The following SLC22A14 variants were observed in gnomAD, a reference collection of about 807,000 sequenced individuals.
The protein encoded by SLC22A14 is solute carrier family 22 member 14.
SLC22A14 carries 50 observed loss-of-function variants against 53.9 expected under a neutral mutation model. The observed-to-expected ratio is 0.93, with a 90% CI of 0.74 to 1.17. The LOEUF (loss-of-function observed/expected upper bound fraction) is 1.17. SLC22A14 is among the 50% of genes most tolerant of loss of function. SLC22A14 has a pLI of 0.00. For synonymous variants in SLC22A14, 312 were observed against 303.0 expected (o/e 1.03, Z -0.31); for missense variants, 671 against 734.7 (o/e 0.91, Z 1.00).
At position 38,307,478 on chromosome 3, in the gene SLC22A14, A is replaced by ATGGCTCAGGGCC; in HGVS notation, c.621-83_621-72dup. ...GTAGGGGTTCTCCAGGGACCCATGGATGGCTCAGGGCCTGGCCCAGGTGTA... is the reference window on the plus strand; with the variant it reads ...GTAGGGGTTCTCCAGGGACCCATGGATGGCTCAGGGCCTGGCTCAGGGCCTGGCCCAGGTGTA... On this transcript the variant is annotated intron_variant, in intron 3 of 10. Coordinates refer to ENST00000448498, the MANE Select transcript of SLC22A14 (RefSeq NM_001320033.2). This position sits in a 1 kb window ranked among gnomAD's most constrained non-coding sequence, Gnocchi z 4.4. 1 of 1,580,082 alleles carries ATGGCTCAGGGCC rather than the reference A, an allele frequency of 6.3e-7. No individual in the cohort carries two copies. The highest frequency in any genetic ancestry group is 8.7e-7 in the Non-Finnish European group (1 of 1,152,862).
At chr3:38,314,146 C>G (rs1353433374) in intron 8 of SLC22A14, among the ~76,000 whole-genome samples, 3 of 152,268 alleles carry the variant, frequency 2.0e-5, no homozygotes, top group Admixed American at 2.0e-4. Flanking sequence ...GACAGGGCAC[C>G]CACACTCTCT....
intron 1 of SLC22A14, chr3:38,305,638 T>G: frequency 5.7e-6 from 1 of 174,480 alleles, no homozygotes; most frequent in Admixed American, 5.5e-5. Flanking sequence ...ATGCAGATCT[T>G]TGTTTGTTTT....
At chr3:38,299,228 C>T (rs1257055377) in intron 1 of SLC22A14, among the ~76,000 whole-genome samples, 3 of 152,134 alleles carry the variant, frequency 2.0e-5, no homozygotes, top group Non-Finnish European at 4.4e-5. Flanking sequence ...TGAAACCTTA[C>T]TAAGGTTCTA....
chr3:38,279,172 C>T (rs567855844), upstream of SLC22A14, among the ~76,000 whole-genome samples: 14 of 152,338 alleles, frequency 9.2e-5, no homozygotes, highest in African/African-American at 2.6e-4. Context: ...TCCTCACTCA[C>T]GATTCTCAGC....
chr3:38,310,478 G>T (rs758006155), intron 5 of SLC22A14, among the ~76,000 whole-genome samples: 6 of 152,184 alleles, frequency 3.9e-5, no homozygotes, highest in Non-Finnish European at 7.3e-5. Context: ...GGGGGATGAG[G>T]TCTGTTCTGA....
intron 1 of SLC22A14, among the ~76,000 whole-genome samples, chr3:38,294,010 A>G (rs1367682606): frequency 1.3e-5 from 2 of 152,242 alleles, no homozygotes; most frequent in African/African-American, 2.4e-5. Context: ...GAGAATTTAC[A>G]TAGGTCTATT....
In SLC22A14 at chr3:38,309,017, CT is replaced by C; in HGVS notation, c.840del (p.Val281LeufsTer6). On this transcript the variant is annotated frameshift_variant, in exon 5 of 11. Transcript: ENST00000448498. LOFTEE classifies it high-confidence loss of function. ...ATTATCCTGGGACACTGCTTTTTCG[CT>C]GTTGGGGCCGTGTTGCTGACAGGGA... ...HAIILGHCFF[A>X]VGAVLLTGIA... The C allele has an allele frequency of 6.8e-6, 11 of 1,614,016 alleles. No individual in the cohort carries two copies. The highest frequency in any genetic ancestry group is 9.3e-6 in the Non-Finnish European group (11 of 1,179,876).
intron 5 of SLC22A14, among the ~76,000 whole-genome samples, chr3:38,311,786 T>C (rs748183251): frequency 2.0e-5 from 3 of 152,252 alleles, no homozygotes; most frequent in South Asian, 2.1e-4. Context: ...AGAATGTCTT[T>C]ATTGTCCATA....
upstream of SLC22A14, among the ~76,000 whole-genome samples, chr3:38,280,221 T>C (rs1703638782): frequency 6.6e-6 from 1 of 152,194 alleles, no homozygotes; most frequent in African/African-American, 2.4e-5. Flanking sequence ...TCCCGACACC[T>C]TTTCTAATAA....
intron 1 of SLC22A14, among the ~76,000 whole-genome samples, chr3:38,302,467 G>A (rs151632): frequency 0.069 from 10,472 of 151,572 alleles, 382 homozygotes; most frequent in Non-Finnish European, 0.084. Flanking sequence ...GACCAACCTG[G>A]GCAACACAAC....
At chr3:38,312,881 T>C (rs1704507847) in intron 5 of SLC22A14, 118 bp from the exon 6 acceptor site, 2 of 1,376,466 alleles carry the variant, frequency 1.5e-6, no homozygotes, top group Admixed American at 2.0e-5. Flanking sequence ...TTCAAGGCCC[T>C]GACATCTGAA....
chr3:38,305,823 A>T (rs1704284029), intron 1 of SLC22A14: 1 of 580,944 alleles, frequency 1.7e-6, no homozygotes, highest in Non-Finnish European at 3.0e-6. Flanking sequence ...TCTCAATTAC[A>T]CTAAAACTCC....
At position 38,318,519 on chromosome 3, in the gene SLC22A14, CCTT is replaced by C. The variant is rs1285730222; in HGVS notation, c.*273_*275del. Reference sequence around the variant, plus strand: ...CTTGACATTAAAAAAAATGCCCCCTCCTTCTGCAGGAGCTCTGCTGTGATTCAT... The same window carrying C: ...CTTGACATTAAAAAAAATGCCCCCTCCTGCAGGAGCTCTGCTGTGATTCAT... On this transcript the variant is annotated 3_prime_UTR_variant, in exon 11 of 11. Coordinates refer to ENST00000448498, the MANE Select transcript of SLC22A14 (RefSeq NM_001320033.2). 18 of 422,972 alleles carry C rather than the reference CCTT, an allele frequency of 4.3e-5. No individual in the cohort carries two copies. Among genetic ancestry groups the C allele is most frequent in the African/African-American group, 7.9e-5 (4 of 50,456 alleles). The allele number at this position is 422,972 out of a possible 1,614,324, so 26.2% of individuals were successfully genotyped here.
chr3:38,291,301 G>A (rs531724839), intron 1 of SLC22A14, among the ~76,000 whole-genome samples: 98 of 152,274 alleles, frequency 6.4e-4, no homozygotes, highest in African/African-American at 2.2e-3. Flanking sequence ...CCCCTTGAGC[G>A]GCGTAGGTTT....
intron 4 of SLC22A14, among the ~76,000 whole-genome samples, chr3:38,308,696 G>A (rs1413126248): frequency 1.3e-5 from 2 of 152,268 alleles, no homozygotes; most frequent in African/African-American, 4.8e-5. Flanking sequence ...GACAGGGGAT[G>A]TGCAGAGGGA....
intron 7 of SLC22A14, 108 bp from the exon 8 acceptor site, chr3:38,313,619 C>A: frequency 1.1e-6 from 1 of 925,732 alleles, no homozygotes; most frequent in Non-Finnish European, 1.7e-6. Flanking sequence ...GTGCTTATTT[C>A]TCTCCTCCGT....
intron 1 of SLC22A14, among the ~76,000 whole-genome samples, chr3:38,284,798 A>AT (rs1703753556): frequency 6.6e-6 from 1 of 152,180 alleles, no homozygotes; most frequent in Admixed American, 6.5e-5. Context: ...GGTTCTCATC[A>AT]TACTACGAAA....
chr3:38,303,481 C>T (rs1704217413), intron 1 of SLC22A14, among the ~76,000 whole-genome samples: 1 of 150,566 alleles, frequency 6.6e-6, no homozygotes, highest in Admixed American at 6.6e-5. Context: ...ATGATTTCTT[C>T]TTTAACTTGT....
chr3:38,308,912 C>T (rs1268318034), intron 4 of SLC22A14, 42 bp from the exon 5 acceptor site: 3 of 1,594,164 alleles, frequency 1.9e-6, no homozygotes, highest in East Asian at 2.2e-5. Context: ...GCCCTGGGGA[C>T]CCTGACGTAA....
Sources: gnomAD v4.1 joint callset for allele counts (sites outside exome capture counted in the v4.1 genomes callset) on GRCh38, gnomAD v4.1.1 for gene constraint, Gnocchi (gnomAD v3.1) non-coding constraint, MANE v1.5 for transcripts, NCBI Gene and HGNC (gene_info 2026-07-23, HGNC 2026-07-21) for gene names.